Variants in FAM120B observed in about 807,000 individuals in gnomAD.
The protein encoded by FAM120B is family with sequence similarity 120 member B, also known as constitutive coactivator of peroxisome proliferator-activated receptor gamma.
FAM120B carries 83 observed loss-of-function variants against 96.3 expected under a neutral mutation model. The ratio of observed to expected loss-of-function variants is 0.86; its 90% CI spans 0.72 to 1.03. The LOEUF is 1.03. Among genes scored for constraint, FAM120B ranks in the 50% least tolerant of loss-of-function variants. The pLI is 0.00. For missense variants in FAM120B, 1,027 were observed against 1,121.2 expected, an observed-to-expected ratio of 0.92 and a Z score of 1.20; for synonymous variants, 407 against 402.7, an observed-to-expected ratio of 1.01 and a Z score of -0.13.
At chr6:170,330,007 G>C (rs1785903571) in intron 3 of FAM120B, among the ~76,000 whole-genome samples, 1 of 152,112 alleles carries the variant, frequency 6.6e-6, no homozygotes, top group African/African-American at 2.4e-5. Flanking sequence ...GTTCTCTGCT[G>C]ACCTCCTCCC....
Position 170,295,560 on chromosome 6 carries a change from G to A in FAM120B, c.48+107G>A. On this transcript the variant is annotated intron_variant, in intron 1 of 10. Transcript: ENST00000537664. This position sits in a 1 kb window ranked among gnomAD's most constrained non-coding sequence, Gnocchi z 7.8. The stretch of plus-strand genomic sequence containing the variant: ...CGCGGGCAGCTCTGCGCGAAGGTGG[G>A]CGACGGTGGGGGCACAAGAACAGCA... 1.7e-6 allele frequency: 1 copy of A among 579,674 alleles called. No homozygotes were observed. The highest frequency in any genetic ancestry group is 3.0e-6 in the Non-Finnish European group (1 of 331,972). The allele number at this position is 579,674 out of a possible 1,614,324, so 35.9% of individuals were successfully genotyped here.
chr6:170,356,127 A>G lies in FAM120B; in HGVS notation c.2191-2099A>G, dbSNP rs75154019. Among the ~76,000 whole-genome samples the G allele has an allele frequency of 0.01, 1,565 of 152,330 alleles. 67 individuals carry two copies. In the East Asian group the frequency reaches 0.1, roughly 10 times the overall value. ...CAGAAAAAGCCCAGGACCCCAGAAC[A>G]GTAACATCACATCCCTGTTTATATA... On this transcript the variant is annotated intron_variant, in intron 5 of 10. Transcript: ENST00000476287.
At chr6:170,346,275 G>A (rs1787182479) in intron 4 of FAM120B, among the ~76,000 whole-genome samples, 1 of 152,014 alleles carries the variant, frequency 6.6e-6, no homozygotes, top group African/African-American at 2.4e-5. Flanking sequence ...CGCTGATGGG[G>A]ACATGACCTT....
At position 170,323,234 on chromosome 6, in the gene FAM120B, C is replaced by T. The variant is rs1183941343; in HGVS notation, c.1890C>T (p.Tyr630=). ...ACCGTCCCATTCGACAGCGGGTCTACTCACTCTTACTGGAGGACTGTCAAG... is the reference window on the plus strand; with the variant it reads ...ACCGTCCCATTCGACAGCGGGTCTATTCACTCTTACTGGAGGACTGTCAAG... The part of the protein sequence containing the change: ...FIYRPIRQRV[Y]SLLLEDCQDV... Residue 630 remains tyrosine, a synonymous_variant, in exon 3 of 11, where the codon TAC becomes TAT. Coordinates refer to ENST00000476287, the MANE Select transcript of FAM120B (RefSeq NM_032448.3). 2 of 1,613,706 alleles carry T rather than the reference C, an allele frequency of 1.2e-6. No homozygotes were observed. The highest frequency in any genetic ancestry group is 2.2e-5 in the East Asian group (1 of 44,886).
chr6:170,325,997 G>GT (rs1423351822), intron 3 of FAM120B, among the ~76,000 whole-genome samples: 1 of 151,940 alleles, frequency 6.6e-6, no homozygotes, highest in Non-Finnish European at 1.5e-5. Context: ...TAAAAACCTT[G>GT]TAACTGTGTA....
In FAM120B at chr6:170,318,796, C is replaced by T. The variant is rs752721893; in HGVS notation, c.1406C>T (p.Ser469Phe). The T allele has an allele frequency of 1.2e-6, 2 of 1,614,158 alleles. No homozygotes were observed. The highest frequency in any genetic ancestry group is 8.5e-7 in the Non-Finnish European group (1 of 1,180,034). Reference protein sequence around the residue: ...QEVPMYTGPESRQEVPMYTGP... With the variant: ...QEVPMYTGPEFRQEVPMYTGP... The stretch of plus-strand genomic sequence containing the variant: ...GTTCCCATGTATACAGGCCCTGAAT[C>T]CAGGCAAGAAGTTCCCATGTATACA... The change falls in exon 2 of 11, where the codon TCC becomes TTC. Residue 469 changes from serine (S) to phenylalanine (F), a missense_variant. Coordinates refer to ENST00000476287, the MANE Select transcript of FAM120B (RefSeq NM_032448.3).
rs1401681281 is a variant in FAM120B at position 170,388,311 on chromosome 6, G to A, written c.2308G>A (p.Val770Met). The A allele has an allele frequency of 8.7e-6, 14 of 1,613,868 alleles. No homozygotes were observed. Among genetic ancestry groups the A allele is most frequent in the East Asian group, 4.5e-5 (2 of 44,898 alleles). Residue 770 changes from valine to methionine, a missense_variant, in exon 7 of 11, where the codon GTG becomes ATG. Val to Met is a conservative substitution (Grantham distance 21). Coordinates refer to ENST00000476287, the MANE Select transcript of FAM120B (RefSeq NM_032448.3). ...GCCTGATTACATCAACCCCAGAGCC[G>A]TGCAGCTGGGCTCCCTTCTCGTCCG... ...LQPDYINPRA[V>M]QLGSLLVRGL... is the part of the protein sequence containing the mutation.
rs1013776671 is a variant in FAM120B, at chr6:170,325,537, A to T, written c.1915+2278A>T. 3.2e-3 allele frequency among the ~76,000 whole-genome samples: 451 copies of T among 140,988 alleles called. 1 individual carries two copies. The highest frequency in any genetic ancestry group is 0.012 in the African/African-American group (430 of 35,650). 92.5% of individuals were successfully genotyped at this position (140,988 alleles called of 152,430 possible). A position where few individuals can be genotyped will look rare whatever the true frequency, so the allele number is the denominator to read the frequency against. On this transcript the variant is annotated intron_variant, in intron 3 of 10. Coordinates refer to ENST00000476287, the MANE Select transcript of FAM120B (RefSeq NM_032448.3). ...ATTTGGATTATTAGATTTACCTTTA[A>T]AAAAAAAAAAAAAAAGTAGTTGGCC...
rs114351740 is a variant in FAM120B at position 170,311,662 on chromosome 6, G to A, written c.-22+4820G>A. Among the ~76,000 whole-genome samples the A allele has an allele frequency of 4.5e-3, 690 of 152,244 alleles. 9 individuals carry two copies. The highest frequency in any genetic ancestry group is 0.016 in the African/African-American group (659 of 41,542). The stretch of plus-strand genomic sequence containing the variant: ...CTCTTACCTTCTCTGTCCTACACTC[G>A]TGTCCAAGAGACTGTTGTCTGCTGG... On this transcript the variant is annotated intron_variant, in intron 1 of 10. Coordinates refer to ENST00000476287, the MANE Select transcript of FAM120B (RefSeq NM_032448.3).
intron 9 of FAM120B, among the ~76,000 whole-genome samples, chr6:170,399,703 T>C (rs1778437815): frequency 6.8e-6 from 1 of 146,554 alleles, no homozygotes. Context: ...TCATAACTCT[T>C]AGAAGTGAGT....
At chr6:170,401,469 G>C (rs1474814771) in intron 9 of FAM120B, among the ~76,000 whole-genome samples, 1 of 152,164 alleles carries the variant, frequency 6.6e-6, no homozygotes, top group Non-Finnish European at 1.5e-5. Context: ...TCCAGAAGCT[G>C]GCAGAGAAGA....
At position 170,318,892 on chromosome 6, in the gene FAM120B, G is replaced by A. The variant is rs772028200; in HGVS notation, c.1502G>A (p.Gly501Asp). ...PESRQEIMCT[G>D]HESKQEVPIC... ...TCTAGGCAAGAAATTATGTGTACAG[G>A]CCATGAATCCAAACAGGAAGTTCCC... The change falls in exon 2 of 11, where the codon GGC (glycine) becomes GAC (aspartate). Residue 501 changes from glycine (G) to aspartate (D), a missense_variant. Coordinates refer to ENST00000476287, the MANE Select transcript of FAM120B (RefSeq NM_032448.3). 115 of 1,614,032 alleles carry A rather than the reference G, an allele frequency of 7.1e-5. No homozygotes were observed. The highest frequency in any genetic ancestry group is 9.7e-5 in the Non-Finnish European group (114 of 1,180,020).
At chr6:170,340,859 G>A (rs1583228767) in intron 4 of FAM120B, among the ~76,000 whole-genome samples, 1 of 152,206 alleles carries the variant, frequency 6.6e-6, no homozygotes, top group Non-Finnish European at 1.5e-5. Flanking sequence ...TCCTGTGGAA[G>A]CTTCCTCCTA....
At chr6:170,348,830 A>T (rs116746249) in intron 5 of FAM120B, among the ~76,000 whole-genome samples, 2,035 of 152,258 alleles carry the variant, frequency 0.013, 38 homozygotes, top group African/African-American at 0.043. Flanking sequence ...TAATCTGAAA[A>T]TGAAATAATC....
chr6:170,387,531 T>G (rs1422869283), intron 6 of FAM120B, among the ~76,000 whole-genome samples: 1 of 152,226 alleles, frequency 6.6e-6, no homozygotes, highest in Non-Finnish European at 1.5e-5. Context: ...GAGTATCTCA[T>G]GCAGCATCCT....
At chr6:170,398,086 T>A (rs1183773804) in intron 9 of FAM120B, among the ~76,000 whole-genome samples, 1 of 152,212 alleles carries the variant, frequency 6.6e-6, no homozygotes, top group Non-Finnish European at 1.5e-5. Flanking sequence ...AGGCTACGGG[T>A]TCTGCAGACA....
intron 4 of FAM120B, among the ~76,000 whole-genome samples, chr6:170,337,650 C>A (rs867508888): frequency 1.3e-5 from 2 of 152,098 alleles, no homozygotes; most frequent in Non-Finnish European, 2.9e-5. Flanking sequence ...ACTGTGAATC[C>A]GTCTGGTCCT....
chr6:170,361,208 A>ATG, intron 6 of FAM120B, among the ~76,000 whole-genome samples: 1 of 79,158 alleles, frequency 1.3e-5, no homozygotes, highest in East Asian at 1.3e-3. Context: ...GTATATATAT[A>ATG]TATATATATA....
At chr6:170,353,719 G>A (rs1310553952) in intron 5 of FAM120B, among the ~76,000 whole-genome samples, 1 of 152,192 alleles carries the variant, frequency 6.6e-6, no homozygotes, top group Non-Finnish European at 1.5e-5. Context: ...AACAAGGGAA[G>A]TGAAGGACCT....
Sources: gnomAD v4.1 joint callset for allele counts (sites outside exome capture counted in the v4.1 genomes callset) on GRCh38, gnomAD v4.1.1 for gene constraint, Gnocchi (gnomAD v3.1) non-coding constraint, MANE v1.5 for transcripts, NCBI Gene and HGNC (gene_info 2026-07-23, HGNC 2026-07-21) for gene names.